The following SEH1L variants were observed in gnomAD, a reference collection of about 807,000 sequenced individuals.
SEH1L encodes nucleoporin SEH1.
Under a neutral mutation model 49.5 loss-of-function variants are expected in SEH1L, and 18 were observed. The observed-to-expected ratio is 0.36, with a 90% CI of 0.25 to 0.54. SEH1L has a LOEUF of 0.54. Ranked by LOEUF, SEH1L falls within the 20% of genes least tolerant of loss-of-function variation. SEH1L has a pLI of 0.87. For missense variants in SEH1L, 404 were observed against 528.8 expected (o/e 0.76, Z 2.31); for synonymous variants, 169 against 178.1 (o/e 0.95, Z 0.41).
intron 5 of SEH1L, chr18:12,974,137 A>T (rs1052829899): frequency 6.6e-6 from 1 of 152,198 alleles, no homozygotes; most frequent in African/African-American, 2.4e-5. Context: ...GAAGTAATCA[A>T]ACCTATTAAG....
chr18:12,968,355 C>T (rs1259403680), intron 4 of SEH1L, among the ~76,000 whole-genome samples: 2 of 152,152 alleles, frequency 1.3e-5, no homozygotes, highest in Non-Finnish European at 2.9e-5. Context: ...CCGTTGAGCA[C>T]GATGAACCAT....
At chr18:12,964,796 T>C (rs1173641895) in intron 4 of SEH1L, among the ~76,000 whole-genome samples, 1 of 151,114 alleles carries the variant, frequency 6.6e-6, no homozygotes, top group African/African-American at 2.4e-5. Context: ...CCACCACATC[T>C]GGCTAGTTTT....
chr18:12,983,858 T>G (rs555554111), intron 7 of SEH1L, among the ~76,000 whole-genome samples, 182 bp from the exon 8 acceptor site: 1 of 152,342 alleles, frequency 6.6e-6, no homozygotes, highest in Non-Finnish European at 1.5e-5. Flanking sequence ...TTCTAAAAAG[T>G]TGTTAAAACT....
intron 8 of SEH1L, chr18:12,986,026 A>G (rs896615042): frequency 1.1e-6 from 1 of 950,092 alleles, no homozygotes; most frequent in African/African-American, 1.8e-5. Flanking sequence ...TATTTATTCC[A>G]TGGCTTAGCT....
intron 5 of SEH1L, chr18:12,975,931 T>C: frequency 1.1e-6 from 1 of 940,124 alleles, no homozygotes; most frequent in South Asian, 4.9e-5. Context: ...CTTGTTGAGA[T>C]GGGGACTGAG....
intron 3 of SEH1L, 87 bp downstream of exon 3, chr18:12,955,696 A>G (rs1331352177): frequency 7.5e-7 from 1 of 1,328,128 alleles, no homozygotes; most frequent in African/African-American, 1.5e-5. Flanking sequence ...ATAATTGGTA[A>G]AATATCACCA....
chr18:12,985,217 AT>A, intron 8 of SEH1L: 1 of 1,604,408 alleles, frequency 6.2e-7, no homozygotes, highest in Non-Finnish European at 8.5e-7. Context: ...TCCCTTTTCC[AT>A]TTGTATTATG....
At chr18:12,975,002 T>C (rs1313017445) in intron 5 of SEH1L, among the ~76,000 whole-genome samples, 2 of 150,770 alleles carry the variant, frequency 1.3e-5, no homozygotes, top group Admixed American at 1.3e-4. Context: ...TATTTTATTT[T>C]TTTTTTTGAG....
chr18:12,980,253 C>G (rs1295074733), intron 6 of SEH1L, among the ~76,000 whole-genome samples: 1 of 141,620 alleles, frequency 7.1e-6, no homozygotes, highest in Admixed American at 6.9e-5. Flanking sequence ...GCTGGCCCCC[C>G]CACCTCCCTC....
intron 4 of SEH1L, among the ~76,000 whole-genome samples, chr18:12,967,014 C>T (rs1232106295): frequency 1.3e-5 from 2 of 151,550 alleles, no homozygotes; most frequent in Non-Finnish European, 2.9e-5. Context: ...TTTTTTATAC[C>T]AGTTTTTGTT....
At chr18:12,982,149 A>G (rs955040499) in intron 6 of SEH1L, among the ~76,000 whole-genome samples, 4 of 152,132 alleles carry the variant, frequency 2.6e-5, no homozygotes. Context: ...TACAGGTGTG[A>G]GCAACTGCAC....
At chr18:12,981,361 G>A (rs1453182659) in intron 6 of SEH1L, among the ~76,000 whole-genome samples, 4 of 150,866 alleles carry the variant, frequency 2.7e-5, no homozygotes, top group Admixed American at 6.7e-5. Context: ...GCAGCTGGGA[G>A]GTGGAGGTTG....
At chr18:12,971,569 G>T (rs57277014) in intron 5 of SEH1L, 1 of 171,536 alleles carries the variant, frequency 5.8e-6, no homozygotes, top group Non-Finnish European at 1.2e-5. Flanking sequence ...AGGAGGCGGA[G>T]GTTGCAGTGA....
chr18:12,979,893 C>T (rs1275348324), intron 6 of SEH1L, among the ~76,000 whole-genome samples: 3 of 136,154 alleles, frequency 2.2e-5, no homozygotes, highest in South Asian at 2.4e-4. Context: ...CCACCTCCTT[C>T]GCGGACGGGG....
chr18:12,984,355 C>T (rs1306962539), intron 8 of SEH1L, 165 bp downstream of exon 8: 2 of 729,396 alleles, frequency 2.7e-6, no homozygotes, highest in Non-Finnish European at 4.6e-6. Flanking sequence ...ATTTGGCTTA[C>T]TTGGTCATAA....
intron 1 of SEH1L, among the ~76,000 whole-genome samples, chr18:12,950,777 T>C (rs549539523): frequency 1.2e-4 from 18 of 152,326 alleles, no homozygotes; most frequent in Admixed American, 3.9e-4. Context: ...CAGGTGAAAT[T>C]GGCACCTTCT....
chr18:12,948,483 G>A, intron 1 of SEH1L: 1 of 343,886 alleles, frequency 2.9e-6, no homozygotes, highest in South Asian at 6.8e-5. Flanking sequence ...CGCAGGGTAC[G>A]CCGGGCCCTC....
chr18:12,982,542 G>T lies in SEH1L; in HGVS notation c.786G>T (p.Gly262=), dbSNP rs756960021. ...PVRKELTSSG[G]PTKFEIHIVA... ...GGAAAGAACTGACTTCCTCTGGTGG[G>T]CCAACAAAGTTTGAAATCCATATAG... The change falls in exon 7 of 9, where the codon GGG becomes GGT. Residue 262 remains glycine (G), a synonymous_variant. Coordinates refer to ENST00000399892, the MANE Select transcript of SEH1L (RefSeq NM_001013437.2). 3 of 1,611,100 alleles carry T rather than the reference G, an allele frequency of 1.9e-6. No individual in the cohort carries two copies. The South Asian group carries it at 3.3e-5, about 18-fold the overall frequency.
chr18:12,968,108 T>C (rs1008599517), intron 4 of SEH1L, among the ~76,000 whole-genome samples: 1 of 152,224 alleles, frequency 6.6e-6, no homozygotes, highest in African/African-American at 2.4e-5. Flanking sequence ...CTTGGGTGTC[T>C]GCTGATCTTT....
Sources: allele counts gnomAD v4.1 joint callset (sites outside exome capture counted in the v4.1 genomes callset), GRCh38; gene constraint gnomAD v4.1.1; transcripts MANE v1.5; gene names NCBI Gene and HGNC (gene_info 2026-07-23, HGNC 2026-07-21).